Variants in PCSK5 observed in about 807,000 individuals in gnomAD.
PCSK5 encodes proprotein convertase subtilisin/kexin type 5.
Under a neutral mutation model 233.2 loss-of-function variants are expected in PCSK5, and 129 were observed. That is an observed-to-expected ratio of 0.55 (90% CI 0.48 to 0.64). The LOEUF (loss-of-function observed/expected upper bound fraction) is 0.64, where lower values mean the gene tolerates loss of function less well. Ranked by LOEUF, PCSK5 falls within the 30% of genes least tolerant of loss-of-function variation. The probability of loss-of-function intolerance (pLI) is 0.00; values close to 1 mark genes in which losing one functional copy is unlikely to be tolerated. For missense variants in PCSK5, 2,076 were observed against 2,430.1 expected (o/e 0.85, Z 3.06); for synonymous variants, 825 against 879.2 (o/e 0.94, Z 1.09).
At chr9:76,030,606 A>T (rs1828614338) in intron 5 of PCSK5, among the ~76,000 whole-genome samples, 1 of 152,198 alleles carries the variant, frequency 6.6e-6, no homozygotes, top group African/African-American at 2.4e-5. Flanking sequence ...ACCAAAAGAA[A>T]GTTAAAAACC....
At chr9:76,126,200 T>TGTGTGTGTGTGG (rs1832848916) in intron 9 of PCSK5, among the ~76,000 whole-genome samples, 1 of 151,438 alleles carries the variant, frequency 6.6e-6, no homozygotes, top group Non-Finnish European at 1.5e-5. Context: ...TGTGTGTGTG[T>TGTGTGTGTGTGG]GGTGTAATTT....
intron 5 of PCSK5, among the ~76,000 whole-genome samples, chr9:76,046,160 GTTTTTTTTTTTTTTTTTTT>G (rs71372041): frequency 1.4e-4 from 8 of 58,038 alleles, no homozygotes; most frequent in South Asian, 6.3e-4. Context: ...TTTTTCTTTT[GTTTTTTTTTTTTTTTTTTT>G]TTTTTTTTTT....
chr9:76,150,393 G>A (rs1823622141), intron 10 of PCSK5, among the ~76,000 whole-genome samples: 1 of 152,154 alleles, frequency 6.6e-6, no homozygotes, highest in Admixed American at 6.5e-5. Context: ...CAAAAGTTTG[G>A]GAGGCTGACA....
chr9:75,925,043 G>T (rs1271674641), intron 1 of PCSK5, among the ~76,000 whole-genome samples: 1 of 152,126 alleles, frequency 6.6e-6, no homozygotes, highest in Non-Finnish European at 1.5e-5. Flanking sequence ...TCAGATTGCT[G>T]CATTTCCTTG....
intron 3 of PCSK5, among the ~76,000 whole-genome samples, chr9:75,994,396 CTTTCTTTTTTTTTTTTTTTTTTTTT>C (rs1259219671): frequency 0.032 from 2,202 of 68,260 alleles, 163 homozygotes; most frequent in South Asian, 0.059. Flanking sequence ...TTCTTTCTTT[CTTTCTTTTTTTTTTTTTTTTTTTTT>C]TTTTTTTTTT....
intron 3 of PCSK5, among the ~76,000 whole-genome samples, chr9:76,019,440 C>G (rs1396361321): frequency 6.6e-6 from 1 of 151,940 alleles, no homozygotes; most frequent in Non-Finnish European, 1.5e-5. Context: ...TCTTATAAGC[C>G]ACTCTATCAA....
Position 76,338,703 on chromosome 9 carries a change from G to A in PCSK5, c.4966+256G>A, listed in dbSNP as rs114193179. Among the ~76,000 whole-genome samples the A allele has an allele frequency of 5.1e-3, 770 of 152,180 alleles. 5 individuals are homozygous for A. The highest frequency in any genetic ancestry group is 0.017 in the Middle Eastern group (5 of 294). On this transcript the variant is annotated intron_variant, in intron 35 of 37. Transcript: ENST00000674117. Reference sequence around the variant, plus strand: ...TCATCTCCTTGAGGAAGTATTGTTCGTTCACTCATCATTTTCCTACTCTAC... The same window carrying A: ...TCATCTCCTTGAGGAAGTATTGTTCATTCACTCATCATTTTCCTACTCTAC...
intron 3 of PCSK5, among the ~76,000 whole-genome samples, chr9:75,999,742 G>A (rs1827186095): frequency 6.6e-6 from 1 of 152,212 alleles, no homozygotes; most frequent in Non-Finnish European, 1.5e-5. Context: ...TTTATGGCCA[G>A]TTTTGGGGCC....
intron 2 of PCSK5, among the ~76,000 whole-genome samples, chr9:75,960,229 T>C (rs1825288224): frequency 1.3e-5 from 2 of 152,228 alleles, no homozygotes; most frequent in African/African-American, 4.8e-5. Context: ...CTACCTTTGT[T>C]AGATTATAGG....
intron 30 of PCSK5, among the ~76,000 whole-genome samples, chr9:76,314,629 GA>G (rs79039915): frequency 3.3e-4 from 49 of 148,166 alleles, no homozygotes; most frequent in African/African-American, 1.7e-4. Flanking sequence ...ACATGTTCAT[GA>G]AAAAAAAAAG....
At chr9:75,999,425 T>A (rs1827170154) in intron 3 of PCSK5, among the ~76,000 whole-genome samples, 2 of 152,224 alleles carry the variant, frequency 1.3e-5, no homozygotes, top group African/African-American at 4.8e-5. Context: ...TTTACCCACA[T>A]ATTTATTAAC....
At chr9:76,072,192 T>G (rs1830504467) in intron 7 of PCSK5, among the ~76,000 whole-genome samples, 1 of 152,246 alleles carries the variant, frequency 6.6e-6, no homozygotes, top group African/African-American at 2.4e-5. Context: ...GAGAAATAAA[T>G]TCTTAGGACT....
intron 2 of PCSK5, among the ~76,000 whole-genome samples, chr9:75,946,743 C>A (rs1477149987): frequency 6.6e-6 from 1 of 152,126 alleles, no homozygotes; most frequent in African/African-American, 2.4e-5. Context: ...TGCCCACCAC[C>A]ATGCCAGCTA....
intron 8 of PCSK5, among the ~76,000 whole-genome samples, chr9:76,099,917 C>T (rs1039605108): frequency 6.6e-6 from 1 of 152,174 alleles, no homozygotes; most frequent in Admixed American, 6.5e-5. Flanking sequence ...GTGATTTGAA[C>T]CAAGACAGTT....
chr9:76,322,730 C>T (rs990628327), intron 31 of PCSK5, among the ~76,000 whole-genome samples: 7 of 152,216 alleles, frequency 4.6e-5, no homozygotes, highest in Non-Finnish European at 1.0e-4. Context: ...TAATGCTCTT[C>T]GGGTTTTTCA....
At position 76,332,611 on chromosome 9, in the gene PCSK5, G is replaced by T; in HGVS notation, c.4748+1G>T. The T allele has an allele frequency of 6.4e-7, 1 of 1,568,894 alleles. No homozygotes were observed. Among genetic ancestry groups the T allele is most frequent in the South Asian group, 1.2e-5 (1 of 86,510 alleles). The stretch of plus-strand genomic sequence containing the variant: ...AGTGCCTGCTCCAGTGCAGGGAAGG[G>T]TAAGTGCTCAATACATTTTCCCCCA... On this transcript the variant is annotated splice_donor_variant, in intron 34 of 37. Coordinates refer to ENST00000674117, the MANE Select transcript of PCSK5 (RefSeq NM_001372043.1). LOFTEE classifies it high-confidence loss of function.
intron 9 of PCSK5, among the ~76,000 whole-genome samples, chr9:76,122,926 C>T (rs1285503644): frequency 6.7e-6 from 1 of 150,286 alleles, no homozygotes; most frequent in East Asian, 1.9e-4. Flanking sequence ...CAACCTTCAC[C>T]TCCCAGGTTC....
chr9:76,040,603 G>A lies in PCSK5; in HGVS notation c.632+13566G>A, dbSNP rs188910009. On this transcript the variant is annotated intron_variant, in intron 5 of 37. Coordinates refer to ENST00000674117, the MANE Select transcript of PCSK5 (RefSeq NM_001372043.1). ...ATTACCAGTGCCCCCTTTTTGCAGA[G>A]GAAGAAAGTAAAATTGAAGGCAGGC... Among the ~76,000 whole-genome samples, 11 of 152,104 alleles carry A rather than the reference G, an allele frequency of 7.2e-5. No homozygotes were observed. In the South Asian group the frequency reaches 2.1e-3, roughly 29 times the overall value.
At chr9:76,314,167 G>T (rs1828949975) in intron 30 of PCSK5, among the ~76,000 whole-genome samples, 1 of 152,146 alleles carries the variant, frequency 6.6e-6, no homozygotes, top group South Asian at 2.1e-4. Context: ...ACCGCTTAAT[G>T]TATTTTACCT....
Sources: allele counts gnomAD v4.1 joint callset (sites outside exome capture counted in the v4.1 genomes callset), GRCh38; gene constraint gnomAD v4.1.1; transcripts MANE v1.5; gene names NCBI Gene and HGNC (gene_info 2026-07-23, HGNC 2026-07-21).